TRAP1: variants seen among roughly 807,000 people sequenced by gnomAD.
The protein encoded by TRAP1 is heat shock protein 75 kDa, mitochondrial.
A neutral mutation model predicts 89.1 loss-of-function variants in TRAP1; 102 were observed. The ratio of observed to expected loss-of-function variants is 1.15; its 90% CI spans 0.98 to 1.35. The LOEUF (loss-of-function observed/expected upper bound fraction) is 1.35, where lower values mean the gene tolerates loss of function less well. Ranked by LOEUF, TRAP1 falls within the 40% of genes most tolerant of loss-of-function variation. The pLI is 0.00. For synonymous variants in TRAP1, 508 were observed against 388.0 expected, an observed-to-expected ratio of 1.31 and a Z score of -3.64; for missense variants, 1,256 against 945.3, an observed-to-expected ratio of 1.33 and a Z score of -4.31.
intron 1 of TRAP1, among the ~76,000 whole-genome samples, chr16:3,706,321 G>C (rs964489538): frequency 4.6e-5 from 7 of 151,962 alleles, no homozygotes; most frequent in Non-Finnish European, 2.9e-5. Context: ...GTTGCCTGGA[G>C]TGCAGTGGCT....
chr16:3,661,453 C>G (rs1596682282), intron 16 of TRAP1: 1 of 152,418 alleles, frequency 6.6e-6, no homozygotes, highest in Non-Finnish European at 1.5e-5. Flanking sequence ...AAGCCCCAGA[C>G]ACGTGGACAA....
At chr16:3,705,024 T>A (rs2095801312) in intron 1 of TRAP1, among the ~76,000 whole-genome samples, 1 of 152,138 alleles carries the variant, frequency 6.6e-6, no homozygotes, top group Non-Finnish European at 1.5e-5. Flanking sequence ...TTCAGTGGTT[T>A]TAGTATATTC....
At position 3,658,140 on chromosome 16, in the gene TRAP1, C is replaced by G; in HGVS notation, c.2104G>C (p.Glu702Gln). 1.2e-6 allele frequency: 2 copies of G among 1,614,054 alleles called. No individual in the cohort carries two copies. The highest frequency in any genetic ancestry group is 1.7e-6 in the Non-Finnish European group (2 of 1,179,992). Reference protein sequence around the residue: ...RLNELLVKALERH With the variant: ...RLNELLVKALQRH ...TGGCCCCCTGGCTGTCAGTGTCGCT[C>G]CAGGGCCTTGACAAGCAGCTCATTC... Residue 702 changes from glutamate (E) to glutamine (Q), a missense_variant, in exon 18 of 18, where the codon GAG (glutamate) becomes CAG (glutamine). Transcript: ENST00000246957.
chr16:3,714,744 T>A (rs962989460), intron 1 of TRAP1, among the ~76,000 whole-genome samples: 1 of 152,120 alleles, frequency 6.6e-6, no homozygotes, highest in Non-Finnish European at 1.5e-5. Context: ...GTAAGAGGGC[T>A]GAGCTCATGG....
rs374732325 is a variant in TRAP1 at position 3,666,020 on chromosome 16, C to T, written c.1334G>A (p.Gly445Asp). 27 of 1,614,070 alleles carry T rather than the reference C, an allele frequency of 1.7e-5. No individual in the cohort carries two copies. The African/African-American group carries it at 3.5e-4, about 21-fold the overall frequency. The change falls in exon 12 of 18, where the codon GGC becomes GAC. Residue 445 changes from glycine to aspartate, a missense_variant. Transcript: ENST00000246957. ...CACAATGCCCTCCCGCATGAACAGG[C>T]CGTAATCTTCAAAAAACTTTGCATA... is the stretch of plus-strand genomic sequence containing the variant. The part of the protein sequence containing the change: ...EKYAKFFEDY[G>D]LFMREGIVTA...
Position 3,662,145 on chromosome 16 carries a change from C to A in TRAP1, c.1795-13G>T. The A allele has an allele frequency of 6.2e-7, 1 of 1,607,700 alleles. No individual in the cohort carries two copies. Among genetic ancestry groups the A allele is most frequent in the Non-Finnish European group, 8.5e-7 (1 of 1,176,606 alleles). On this transcript the variant is annotated splice_polypyrimidine_tract_variant and intron_variant, in intron 15 of 17. Transcript: ENST00000246957. ...GTCGGAGGGTCACCTGTGAGCAAAG[C>A]CCGGGGTTGAGGGTGATAGAGGTTC...
intron 1 of TRAP1, among the ~76,000 whole-genome samples, chr16:3,708,931 T>A (rs1254331941): frequency 6.6e-6 from 1 of 150,710 alleles, no homozygotes; most frequent in South Asian, 2.1e-4. Context: ...TTCTCCTGCC[T>A]CAGCTTCCCA....
At chr16:3,680,545 T>G (rs901585711) in intron 4 of TRAP1, among the ~76,000 whole-genome samples, 4 of 152,210 alleles carry the variant, frequency 2.6e-5, no homozygotes, top group African/African-American at 9.6e-5. Context: ...CGGCACCTAC[T>G]CCCACCCTAC....
intron 1 of TRAP1, among the ~76,000 whole-genome samples, chr16:3,703,739 G>A (rs1225421788): frequency 6.6e-6 from 1 of 152,004 alleles, no homozygotes; most frequent in Non-Finnish European, 1.5e-5. Context: ...AGTTAGGCTG[G>A]GCGCGGTGGC....
chr16:3,708,057 C>T (rs1380564541), intron 1 of TRAP1, among the ~76,000 whole-genome samples: 1 of 151,948 alleles, frequency 6.6e-6, no homozygotes, highest in Non-Finnish European at 1.5e-5. Flanking sequence ...CATGGTGGCA[C>T]ATGCTCCTTG....
At chr16:3,663,994 C>G (rs2050759392) in intron 13 of TRAP1, 1 of 366,146 alleles carries the variant, frequency 2.7e-6, no homozygotes. Flanking sequence ...ACCCAGGAGG[C>G]GGAAGTTGCA....
intron 1 of TRAP1, among the ~76,000 whole-genome samples, chr16:3,699,968 G>T (rs886395403): frequency 6.6e-6 from 1 of 151,518 alleles, no homozygotes; most frequent in Non-Finnish European, 1.5e-5. Context: ...GAGCCACCAC[G>T]CCCAGCCTGT....
rs111987725 is a variant in TRAP1, at chr16:3,658,136, C to A, written c.2108G>T (p.Arg703Leu). ...CTTCTGGCCCCCTGGCTGTCAGTGT[C>A]GCTCCAGGGCCTTGACAAGCAGCTC... Reference protein sequence around the residue: ...LNELLVKALERH With the variant: ...LNELLVKALELH The change falls in exon 18 of 18, where the codon CGA becomes CTA. Residue 703 changes from arginine (R) to leucine (L), a missense_variant. By Grantham distance (102) the Arg-to-Leu change is moderately radical. Coordinates refer to ENST00000246957, the MANE Select transcript of TRAP1 (RefSeq NM_016292.3). 1 of 1,613,980 alleles carries A rather than the reference C, an allele frequency of 6.2e-7. No individual in the cohort carries two copies. The highest frequency in any genetic ancestry group is 1.1e-5 in the South Asian group (1 of 91,064).
In TRAP1 at chr16:3,670,108, C is replaced by T. The variant is rs1334668298; in HGVS notation, c.1235+1614G>A. 2.0e-5 allele frequency among the ~76,000 whole-genome samples: 3 copies of T among 151,944 alleles called. No individual in the cohort carries two copies. The South Asian group carries it at 6.2e-4, about 32-fold the overall frequency. ...GCATGAAAAACAAAAACAGGCCGGG[C>T]GCAGTGGCTCAAACCCGTAATCCCA... On this transcript the variant is annotated intron_variant, in intron 11 of 17. Coordinates refer to ENST00000246957, the MANE Select transcript of TRAP1 (RefSeq NM_016292.3).
intron 16 of TRAP1, 26 bp downstream of exon 16, chr16:3,661,961 T>C: frequency 6.4e-7 from 1 of 1,574,080 alleles, no homozygotes; most frequent in Non-Finnish European, 8.6e-7. Context: ...TCCCACAGGC[T>C]GGAAGAGCCA....
chr16:3,662,162 T>C (rs766586669), intron 15 of TRAP1, 30 bp from the exon 16 acceptor site: 10 of 1,595,572 alleles, frequency 6.3e-6, no homozygotes, highest in Middle Eastern at 1.8e-4. Flanking sequence ...TTGAGGGTGA[T>C]AGAGGTTCCC....
At chr16:3,676,188 T>A (rs756109430) in intron 6 of TRAP1, 43 bp from the exon 7 acceptor site, 4 of 1,568,118 alleles carry the variant, frequency 2.6e-6, no homozygotes, top group Non-Finnish European at 3.5e-6. Flanking sequence ...GATGTGACAC[T>A]GGGACATACC....
chr16:3,675,209 C>G (rs1021633367), intron 8 of TRAP1, 115 bp downstream of exon 8: 28 of 958,902 alleles, frequency 2.9e-5, no homozygotes, highest in Non-Finnish European at 4.5e-5. Flanking sequence ...CTCCACAGAG[C>G]AGCTCGCCCT....
Position 3,662,723 on chromosome 16 carries a change from C to A in TRAP1, c.1794+159G>T, listed in dbSNP as rs1399698822. On this transcript the variant is annotated intron_variant, in intron 15 of 17. Transcript: ENST00000246957. Reference sequence around the variant, plus strand: ...CTGCCTCAGCGGCACTCCCGAGCAACACGTGCCGAGCAGGGACCCACAGGG... The same window carrying A: ...CTGCCTCAGCGGCACTCCCGAGCAAAACGTGCCGAGCAGGGACCCACAGGG... The A allele has an allele frequency of 8.3e-6, 6 of 725,664 alleles. No individual in the cohort carries two copies. In the Admixed American group the frequency reaches 1.2e-4, roughly 14 times the overall value. The allele number at this position is 725,664 out of a possible 1,614,324, so 45.0% of individuals were successfully genotyped here.
Sources: allele counts gnomAD v4.1 joint callset (sites outside exome capture counted in the v4.1 genomes callset), GRCh38; gene constraint gnomAD v4.1.1; transcripts MANE v1.5; gene names NCBI Gene and HGNC (gene_info 2026-07-23, HGNC 2026-07-21).